The following LCORL variants were observed in gnomAD, a reference collection of about 807,000 sequenced individuals.
LCORL encodes ligand-dependent nuclear receptor corepressor-like protein.
Under a neutral mutation model 141.8 loss-of-function variants are expected in LCORL, and 41 were observed. The ratio of observed to expected loss-of-function variants is 0.29; its 90% CI spans 0.23 to 0.38. The LOEUF (loss-of-function observed/expected upper bound fraction) is 0.38, where lower values mean the gene tolerates loss of function less well. LCORL is among the 10% of genes least tolerant of loss of function. The pLI is 1.00. For synonymous variants in LCORL, 618 were observed against 694.1 expected (o/e 0.89, Z 1.72); for missense variants, 1,759 against 2,035.0 (o/e 0.86, Z 2.61).
At chr4:17,994,798 GT>G (rs1284782250) in intron 1 of LCORL, among the ~76,000 whole-genome samples, 1 of 143,032 alleles carries the variant, frequency 7.0e-6, no homozygotes, top group Non-Finnish European at 1.5e-5. Flanking sequence ...TCACATAAAT[GT>G]TAATTTATGT....
intron 7 of LCORL, among the ~76,000 whole-genome samples, chr4:17,852,408 T>A (rs6842128): frequency 6.6e-6 from 1 of 151,784 alleles, no homozygotes; most frequent in Non-Finnish European, 1.5e-5. Context: ...AAAAAAAAGG[T>A]ACTTTCGCTG....
At chr4:17,878,358 T>C (rs1002910970) in intron 6 of LCORL, 145 bp from the exon 7 acceptor site, 2 of 445,762 alleles carry the variant, frequency 4.5e-6, no homozygotes, top group Non-Finnish European at 7.4e-6. Flanking sequence ...ATTTTGATTA[T>C]TGTTTAGCAA....
chr4:17,911,680 T>C, intron 4 of LCORL: 1 of 501,762 alleles, frequency 2.0e-6, no homozygotes, highest in South Asian at 1.5e-5. Context: ...CAGCATGAGC[T>C]TCACCACTTG....
intron 1 of LCORL, among the ~76,000 whole-genome samples, chr4:18,013,735 T>C (rs969852649): frequency 5.9e-5 from 9 of 152,144 alleles, no homozygotes; most frequent in African/African-American, 2.2e-4. Flanking sequence ...CAGAAAAGAA[T>C]TGGCCAATTT....
Position 17,969,753 on chromosome 4 carries a change from T to C in LCORL, c.220+3067A>G, listed in dbSNP as rs920071275. ...AACTCAGCAGAAAAACTGGTTAAAC[T>C]AAAATTAGCATTGCTTAAATATTTC... On this transcript the variant is annotated intron_variant, in intron 2 of 7. Coordinates refer to ENST00000635767, the Ensembl canonical transcript of LCORL. 8.5e-5 allele frequency among the ~76,000 whole-genome samples: 13 copies of C among 152,132 alleles called. No individual in the cohort carries two copies. The East Asian group carries it at 2.5e-3, about 29-fold the overall frequency.
At chr4:17,961,452 A>AC (rs1353432027) in intron 4 of LCORL, among the ~76,000 whole-genome samples, 1 of 152,098 alleles carries the variant, frequency 6.6e-6, no homozygotes, top group Non-Finnish European at 1.5e-5. Flanking sequence ...CCAAATAAAT[A>AC]TTGAAATAGC....
exon 7 of LCORL, chr4:17,876,605 G>A (rs1044185319): frequency 8.1e-7 from 1 of 1,230,380 alleles, no homozygotes; most frequent in African/African-American, 1.6e-5. Context: ...TGGCTTTAGG[G>A]GATTTTTTAA....
At chr4:17,857,412 C>CAA (rs1020312144) in intron 7 of LCORL, among the ~76,000 whole-genome samples, 10 of 152,250 alleles carry the variant, frequency 6.6e-5, no homozygotes, top group African/African-American at 2.4e-4. Context: ...TTTCTGGAGG[C>CAA]TATATATAGC....
intron 5 of LCORL, among the ~76,000 whole-genome samples, chr4:17,903,756 T>C (rs919854347): frequency 6.6e-6 from 1 of 151,638 alleles, no homozygotes; most frequent in Admixed American, 6.6e-5. Context: ...TTTAAGTGAG[T>C]GTAGAGTTTG....
intron 4 of LCORL, among the ~76,000 whole-genome samples, chr4:17,910,809 G>A (rs1417356280): frequency 6.6e-6 from 1 of 152,102 alleles, no homozygotes; most frequent in Non-Finnish European, 1.5e-5. Flanking sequence ...CAGACTTGTT[G>A]GAGATATTAC....
chr4:17,909,859 ATTT>A (rs1205500443), intron 4 of LCORL, among the ~76,000 whole-genome samples: 2 of 152,058 alleles, frequency 1.3e-5, no homozygotes, highest in Non-Finnish European at 2.9e-5. Context: ...TTTTCTTTTG[ATTT>A]TTTATATAGA....
At chr4:17,948,274 G>A (rs1225972852) in intron 4 of LCORL, among the ~76,000 whole-genome samples, 1 of 151,930 alleles carries the variant, frequency 6.6e-6, no homozygotes, top group Non-Finnish European at 1.5e-5. Flanking sequence ...CTGGAGGTAT[G>A]GGTTATTTAT....
At chr4:17,900,268 T>C (rs1394553949) in intron 5 of LCORL, among the ~76,000 whole-genome samples, 1 of 152,192 alleles carries the variant, frequency 6.6e-6, no homozygotes, top group Non-Finnish European at 1.5e-5. Flanking sequence ...CTTCACATTC[T>C]ATAATCTCAC....
At chr4:17,842,087 ACTC>A (rs1722465750) in exon 8 of LCORL, 2 of 431,022 alleles carry the variant, frequency 4.6e-6, no homozygotes, top group Admixed American at 3.8e-5. Context: ...ATTTTCCCTT[ACTC>A]ATTATTAGTG....
At chr4:17,906,491 A>G (rs1731639291) in intron 5 of LCORL, among the ~76,000 whole-genome samples, 1 of 151,856 alleles carries the variant, frequency 6.6e-6, no homozygotes, top group Non-Finnish European at 1.5e-5. Flanking sequence ...ATTATCAAGA[A>G]GACTAGTTAT....
At chr4:17,911,923 A>G (rs1732617274) in intron 4 of LCORL, 2 of 540,838 alleles carry the variant, frequency 3.7e-6, no homozygotes, top group East Asian at 8.5e-5. Flanking sequence ...GGAGGAGACC[A>G]TGCAAAGTCT....
chr4:17,949,284 T>A (rs1739362042), intron 4 of LCORL, among the ~76,000 whole-genome samples: 1 of 152,048 alleles, frequency 6.6e-6, no homozygotes, highest in African/African-American at 2.4e-5. Context: ...ATGCTAAGGG[T>A]GGGCAGACAG....
chr4:17,907,605 A>G (rs1731843984), intron 5 of LCORL, among the ~76,000 whole-genome samples: 1 of 152,138 alleles, frequency 6.6e-6, no homozygotes, highest in East Asian at 1.9e-4. Context: ...CTAAGTACTG[A>G]TATTTTTTTC....
chr4:18,021,507 A>T lies in LCORL; in HGVS notation c.154+91T>A. 9.0e-7 allele frequency: 1 copy of T among 1,107,886 alleles called. No homozygotes were observed. 68.6% of individuals were successfully genotyped at this position (1,107,886 alleles called of 1,614,324 possible). A position where few individuals can be genotyped will look rare whatever the true frequency, so the allele number is the denominator to read the frequency against. The stretch of plus-strand genomic sequence containing the variant: ...CCCCCACCGAACTAACCCGAACGGG[A>T]GATTCAACTAAACCCCTCAGCCACA... On this transcript the variant is annotated intron_variant, in intron 1 of 7. Coordinates refer to ENST00000635767, the Ensembl canonical transcript of LCORL. This position sits in a 1 kb window ranked among gnomAD's most constrained non-coding sequence, Gnocchi z 5.5.
Sources: allele counts gnomAD v4.1 joint callset (sites outside exome capture counted in the v4.1 genomes callset), GRCh38; gene constraint gnomAD v4.1.1; non-coding constraint Gnocchi (gnomAD v3.1); transcripts MANE v1.5; gene names NCBI Gene and HGNC (gene_info 2026-07-23, HGNC 2026-07-21).